Variants in CSMD1 observed in about 807,000 individuals in gnomAD.
CSMD1 encodes the protein CUB and Sushi multiple domains 1.
In CSMD1, 213 loss-of-function variants were observed where a neutral mutation model predicts 417.5. That is an observed-to-expected ratio of 0.51 (90% CI 0.46 to 0.57). The LOEUF (loss-of-function observed/expected upper bound fraction) is 0.57, where lower values mean the gene tolerates loss of function less well. Among genes scored for constraint, CSMD1 ranks in the 20% least tolerant of loss-of-function variants. The pLI, the probability that CSMD1 is intolerant of heterozygous loss-of-function variation, is 0.00. For missense variants in CSMD1, 6,923 were observed against 4,529.7 expected, an observed-to-expected ratio of 1.53 and a Z score of -15.17; for synonymous variants, 2,862 against 1,736.8, an observed-to-expected ratio of 1.65 and a Z score of -16.11.
At chr8:3,300,003 G>T (rs1044113462) in intron 25 of CSMD1, among the ~76,000 whole-genome samples, 1 of 152,126 alleles carries the variant, frequency 6.6e-6, no homozygotes, top group East Asian at 1.9e-4. Context: ...TGCCCTGGAG[G>T]TGACACACGG....
intron 1 of CSMD1, among the ~76,000 whole-genome samples, chr8:4,856,861 A>G (rs1270867243): frequency 6.6e-6 from 1 of 152,054 alleles, no homozygotes; most frequent in East Asian, 1.9e-4. Flanking sequence ...GATCAACGAG[A>G]CAGAAAGTCA....
At chr8:2,987,032 C>G (rs1019775543) in intron 54 of CSMD1, among the ~76,000 whole-genome samples, 7 of 151,856 alleles carry the variant, frequency 4.6e-5, no homozygotes, top group Non-Finnish European at 5.9e-5. Context: ...TCCCTCTTAA[C>G]TGATTTTAAC....
intron 7 of CSMD1, among the ~76,000 whole-genome samples, chr8:3,675,627 G>C (rs1033190342): frequency 6.6e-6 from 1 of 152,084 alleles, no homozygotes; most frequent in Non-Finnish European, 1.5e-5. Flanking sequence ...ATAAGGAAAG[G>C]AGGAAACCAG....
chr8:4,549,323 G>C (rs574057707), intron 2 of CSMD1, among the ~76,000 whole-genome samples: 2 of 152,146 alleles, frequency 1.3e-5, no homozygotes, highest in African/African-American at 4.8e-5. Context: ...AAGGGTAAAA[G>C]AAATTATTCC....
chr8:4,587,939 A>G (rs1451926905), intron 2 of CSMD1, among the ~76,000 whole-genome samples: 2 of 152,212 alleles, frequency 1.3e-5, no homozygotes, highest in Non-Finnish European at 2.9e-5. Context: ...TGATAGAAGG[A>G]GATTGTGTGT....
At chr8:3,046,055 T>G (rs1035373870) in intron 50 of CSMD1, among the ~76,000 whole-genome samples, 1 of 152,138 alleles carries the variant, frequency 6.6e-6, no homozygotes, top group Non-Finnish European at 1.5e-5. Flanking sequence ...ACTTTTACTT[T>G]TGGAGAAAGG....
At chr8:3,411,686 A>ATATATACGTG (rs1812713737) in intron 12 of CSMD1, among the ~76,000 whole-genome samples, 1 of 21,046 alleles carries the variant, frequency 4.8e-5, no homozygotes, top group Non-Finnish European at 1.3e-4. Flanking sequence ...ATATACGTGT[A>ATATATACGTG]TATATACACA....
chr8:3,285,308 G>A (rs188659745), intron 25 of CSMD1, among the ~76,000 whole-genome samples: 1 of 152,120 alleles, frequency 6.6e-6, no homozygotes, highest in East Asian at 1.9e-4. Context: ...AAATAATCAA[G>A]ATAAATCCTT....
At chr8:4,427,342 T>G (rs570100404) in intron 2 of CSMD1, among the ~76,000 whole-genome samples, 7 of 152,142 alleles carry the variant, frequency 4.6e-5, no homozygotes, top group African/African-American at 9.7e-5. Context: ...CATGTCAAAC[T>G]GTGTCAGGAC....
At chr8:4,676,398 C>T (rs1048907970) in intron 1 of CSMD1, among the ~76,000 whole-genome samples, 1 of 152,158 alleles carries the variant, frequency 6.6e-6, no homozygotes, top group African/African-American at 2.4e-5. Context: ...TTTGACTTCC[C>T]CATCCACCCC....
chr8:3,962,163 C>A (rs752184427), intron 5 of CSMD1, among the ~76,000 whole-genome samples: 2 of 152,124 alleles, frequency 1.3e-5, no homozygotes, highest in African/African-American at 4.8e-5. Context: ...CTTCATAGAC[C>A]TGCTCTGCTG....
intron 7 of CSMD1, chr8:3,700,354 A>G (rs1210050701): frequency 6.6e-6 from 1 of 152,212 alleles, no homozygotes; most frequent in Non-Finnish European, 1.5e-5. Context: ...TGAAATGAAC[A>G]GGGTTACTTT....
At chr8:3,319,329 G>A (rs1208584059) in intron 23 of CSMD1, among the ~76,000 whole-genome samples, 1 of 152,064 alleles carries the variant, frequency 6.6e-6, no homozygotes, top group Non-Finnish European at 1.5e-5. Context: ...AGTCTTCATG[G>A]CAAAGTACAA....
intron 2 of CSMD1, among the ~76,000 whole-genome samples, chr8:4,581,801 G>A (rs926410605): frequency 4.6e-5 from 7 of 152,116 alleles, no homozygotes; most frequent in Admixed American, 3.3e-4. Context: ...GCTAGGCTCT[G>A]AGCAAATGAG....
intron 2 of CSMD1, among the ~76,000 whole-genome samples, chr8:4,464,227 C>T (rs1344074968): frequency 6.6e-6 from 1 of 152,148 alleles, no homozygotes; most frequent in African/African-American, 2.4e-5. Context: ...TTCACTGCCT[C>T]TTAACATTCC....
chr8:3,582,362 A>T (rs575957550), intron 9 of CSMD1, among the ~76,000 whole-genome samples: 107 of 152,264 alleles, frequency 7.0e-4, no homozygotes, highest in African/African-American at 2.5e-3. Flanking sequence ...GACGCTACTT[A>T]AAAAAGGGAA....
At chr8:3,782,440 G>C (rs1227895268) in intron 5 of CSMD1, among the ~76,000 whole-genome samples, 1 of 152,098 alleles carries the variant, frequency 6.6e-6, no homozygotes, top group African/African-American at 2.4e-5. Flanking sequence ...CCTGAATTCA[G>C]GACAGCAGTA....
Position 4,249,011 on chromosome 8 carries a change from G to A in CSMD1, c.415+170942C>T, listed in dbSNP as rs73498579. 1.9e-3 allele frequency among the ~76,000 whole-genome samples: 285 copies of A among 152,252 alleles called. 2 individuals are homozygous for A. Among genetic ancestry groups the A allele is most frequent in the African/African-American group, 6.5e-3 (269 of 41,564 alleles). ...ACAAACACTAGACCATGTATTTAAT[G>A]AACTTACAACAGTGCCTGGCATATG... On this transcript the variant is annotated intron_variant, in intron 3 of 69. Coordinates refer to ENST00000635120, the MANE Select transcript of CSMD1 (RefSeq NM_033225.6).
intron 2 of CSMD1, among the ~76,000 whole-genome samples, chr8:4,468,634 G>T (rs574219984): frequency 6.6e-6 from 1 of 152,082 alleles, no homozygotes; most frequent in Non-Finnish European, 1.5e-5. Flanking sequence ...TTGTTAAAAT[G>T]GTCCATATCC....
Sources: allele counts gnomAD v4.1 joint callset (sites outside exome capture counted in the v4.1 genomes callset), GRCh38; gene constraint gnomAD v4.1.1; transcripts MANE v1.5; gene names NCBI Gene and HGNC (gene_info 2026-07-23, HGNC 2026-07-21).